The following KCNIP3 variants were observed in gnomAD, a reference collection of about 807,000 sequenced individuals.
The protein encoded by KCNIP3 is calsenilin.
In KCNIP3, 28 loss-of-function variants were observed where a neutral mutation model predicts 35.0. The observed-to-expected ratio is 0.80, with a 90% confidence interval of 0.59 to 1.10. The LOEUF (loss-of-function observed/expected upper bound fraction) is 1.10, where lower values mean the gene tolerates loss of function less well. Ranked by LOEUF, KCNIP3 falls within the 50% of genes least tolerant of loss-of-function variation. The pLI is 0.00. For synonymous variants in KCNIP3, 134 were observed against 133.8 expected (o/e 1.00, Z -0.01); for missense variants, 295 against 338.4 (o/e 0.87, Z 1.01).
intron 2 of KCNIP3, among the ~76,000 whole-genome samples, chr2:95,333,569 C>A (rs548631296): frequency 6.6e-6 from 1 of 152,268 alleles, no homozygotes; most frequent in South Asian, 2.1e-4. Flanking sequence ...AGGATAGAGT[C>A]CTGATGCTTC....
intron 2 of KCNIP3, among the ~76,000 whole-genome samples, chr2:95,317,611 G>A (rs555473651): frequency 9.8e-5 from 15 of 152,302 alleles, no homozygotes; most frequent in South Asian, 6.2e-4. Flanking sequence ...GGCCCAGAGC[G>A]CCCAAGACAC....
chr2:95,371,179 A>G (rs962021444), intron 2 of KCNIP3, among the ~76,000 whole-genome samples: 18 of 152,172 alleles, frequency 1.2e-4, no homozygotes, highest in Non-Finnish European at 4.4e-5. Flanking sequence ...AGCTTATGTC[A>G]TTGCTTTTAC....
At position 95,321,363 on chromosome 2, in the gene KCNIP3, C is replaced by T. The variant is rs59093737; in HGVS notation, c.181+10843C>T. ...GAGTTCACGTCAAGAGAGCGTCAGC[C>T]CTGTGCTCTGGGTCACTCACCCTAT... is the stretch of plus-strand genomic sequence containing the variant. On this transcript the variant is annotated intron_variant, in intron 2 of 8. Coordinates refer to ENST00000295225, the MANE Select transcript of KCNIP3 (RefSeq NM_013434.5). 1.8e-3 allele frequency among the ~76,000 whole-genome samples: 280 copies of T among 152,314 alleles called. 2 individuals carry two copies. Among genetic ancestry groups the T allele is most frequent in the African/African-American group, 6.6e-3 (273 of 41,574 alleles).
intron 2 of KCNIP3, chr2:95,368,591 G>T (rs1176079547): frequency 5.3e-6 from 2 of 379,478 alleles, no homozygotes; most frequent in Admixed American, 6.3e-5. Context: ...TACAAAATTT[G>T]TGTCTTTGCC....
chr2:95,329,224 G>GA (rs11459731), intron 2 of KCNIP3, among the ~76,000 whole-genome samples: 5,883 of 151,856 alleles, frequency 0.039, 157 homozygotes, highest in Non-Finnish European at 0.054. Context: ...CCCAGCGCGG[G>GA]CCAAGCCTCA....
chr2:95,367,388 T>G (rs1679942069), intron 2 of KCNIP3, among the ~76,000 whole-genome samples: 1 of 152,256 alleles, frequency 6.6e-6, no homozygotes, highest in Non-Finnish European at 1.5e-5. Context: ...TAGAGCATGT[T>G]GTCTGTATGT....
At chr2:95,358,122 C>T (rs1335882662) in intron 2 of KCNIP3, among the ~76,000 whole-genome samples, 1 of 152,252 alleles carries the variant, frequency 6.6e-6, no homozygotes, top group South Asian at 2.1e-4. Flanking sequence ...GGGACATAGG[C>T]TCGAGAGGTT....
chr2:95,328,763 A>G (rs1234663061), intron 2 of KCNIP3, among the ~76,000 whole-genome samples: 1 of 152,270 alleles, frequency 6.6e-6, no homozygotes, highest in African/African-American at 2.4e-5. Flanking sequence ...ATTGCTCCCC[A>G]GTACCAGACT....
At chr2:95,329,581 C>A (rs1164463154) in intron 2 of KCNIP3, among the ~76,000 whole-genome samples, 1 of 152,234 alleles carries the variant, frequency 6.6e-6, no homozygotes, top group Non-Finnish European at 1.5e-5. Context: ...CCTGAGGGCA[C>A]CTGCACCGCT....
chr2:95,365,636 A>G (rs1389651989), intron 2 of KCNIP3, among the ~76,000 whole-genome samples: 3 of 152,172 alleles, frequency 2.0e-5, no homozygotes, highest in African/African-American at 7.2e-5. Context: ...AATATGGTCA[A>G]GGAGTTTTGT....
chr2:95,383,709 C>T (rs1346517857), intron 8 of KCNIP3, among the ~76,000 whole-genome samples: 1 of 152,256 alleles, frequency 6.6e-6, no homozygotes, highest in African/African-American at 2.4e-5. Context: ...GCCCCACTCC[C>T]AGAGCAGTCC....
intron 2 of KCNIP3, among the ~76,000 whole-genome samples, chr2:95,353,604 G>T (rs975812975): frequency 1.3e-5 from 2 of 152,160 alleles, no homozygotes; most frequent in Admixed American, 6.5e-5. Context: ...TTTAGCCAGA[G>T]GGGGTGCTGA....
intron 2 of KCNIP3, among the ~76,000 whole-genome samples, chr2:95,347,305 G>A (rs1410004968): frequency 2.0e-5 from 3 of 152,190 alleles, no homozygotes; most frequent in Admixed American, 2.0e-4. Flanking sequence ...AAGCCCCAGA[G>A]GGGACGAAGC....
At chr2:95,310,685 A>C in intron 2 of KCNIP3, 165 bp downstream of exon 2, 1 of 728,788 alleles carries the variant, frequency 1.4e-6, no homozygotes, top group Non-Finnish European at 2.3e-6. Flanking sequence ...TTCCCCATTC[A>C]TTGAGTGCCT....
intron 1 of KCNIP3, among the ~76,000 whole-genome samples, chr2:95,307,002 C>A (rs1678194444): frequency 6.6e-6 from 1 of 152,180 alleles, no homozygotes; most frequent in Non-Finnish European, 1.5e-5. Context: ...CCTGATGAGT[C>A]CCAGCTTCCC....
chr2:95,361,866 C>T (rs1017512530), intron 2 of KCNIP3, among the ~76,000 whole-genome samples: 4 of 152,160 alleles, frequency 2.6e-5, no homozygotes, highest in Non-Finnish European at 5.9e-5. Flanking sequence ...CAACAATATA[C>T]CAGATGTCTT....
In KCNIP3 at chr2:95,378,580, C is replaced by CA. The variant is rs1241947318; in HGVS notation, c.448-3000dup. Among the ~76,000 whole-genome samples, 6,455 of 110,216 alleles carry CA rather than the reference C, an allele frequency of 0.059. 262 individuals carry two copies. The highest frequency in any genetic ancestry group is 0.13 in the African/African-American group (3,783 of 29,348). The allele number at this position is 110,216 out of a possible 152,430, so 72.3% of individuals were successfully genotyped here. On this transcript the variant is annotated intron_variant, in intron 5 of 8. Coordinates refer to ENST00000295225, the MANE Select transcript of KCNIP3 (RefSeq NM_013434.5). This position sits in a 1 kb window ranked among gnomAD's most constrained non-coding sequence, Gnocchi z 4.0. ...CGAAACCCCGTCTCTACTAAAAATA[C>CA]AAAAAAAAAAAAAAAATTAGCTGGG...
chr2:95,299,075 CT>C (rs1232264217), intron 1 of KCNIP3: 1 of 152,300 alleles, frequency 6.6e-6, no homozygotes, highest in Non-Finnish European at 1.5e-5. Flanking sequence ...CCCTGCCAGA[CT>C]GGCAGAGTGG....
chr2:95,370,393 A>G (rs1680015322), intron 2 of KCNIP3, among the ~76,000 whole-genome samples: 1 of 152,234 alleles, frequency 6.6e-6, no homozygotes. Context: ...TGTGGTTCAC[A>G]GTCCTAAAGC....
Sources: allele counts gnomAD v4.1 joint callset (sites outside exome capture counted in the v4.1 genomes callset), GRCh38; gene constraint gnomAD v4.1.1; non-coding constraint Gnocchi (gnomAD v3.1); transcripts MANE v1.5; gene names NCBI Gene and HGNC (gene_info 2026-07-23, HGNC 2026-07-21).